The following ZNF536 variants were observed in gnomAD, a reference collection of about 807,000 sequenced individuals.
The protein encoded by ZNF536 is zinc finger protein 536.
Under a neutral mutation model 84.5 loss-of-function variants are expected in ZNF536, and 13 were observed. The ratio of observed to expected loss-of-function variants is 0.15; its 90% confidence interval spans 0.10 to 0.24. ZNF536 has a LOEUF of 0.24. ZNF536 is among the 10% of genes least tolerant of loss of function. The pLI is 1.00. For missense variants in ZNF536, 1,536 were observed against 1,747.5 expected, an observed-to-expected ratio of 0.88 and a Z score of 2.16; for synonymous variants, 811 against 742.5, an observed-to-expected ratio of 1.09 and a Z score of -1.50.
intron 1 of ZNF536, among the ~76,000 whole-genome samples, chr19:30,384,341 C>CTCCCT (rs1568378780): frequency 2.2e-5 from 2 of 92,890 alleles, no homozygotes; most frequent in African/African-American, 8.3e-5. Flanking sequence ...CTCCCCTCCC[C>CTCCCT]TCCCCTTCCC....
At chr19:30,454,349 A>G (rs2096478097) in intron 2 of ZNF536, among the ~76,000 whole-genome samples, 1 of 152,164 alleles carries the variant, frequency 6.6e-6, no homozygotes, top group African/African-American at 2.4e-5. Context: ...AACTCTTAGC[A>G]CAGTGGTGGT....
chr19:30,647,396 T>A (rs2049515638), intron 1 of ZNF536, among the ~76,000 whole-genome samples: 1 of 152,200 alleles, frequency 6.6e-6, no homozygotes, highest in African/African-American at 2.4e-5. Context: ...ACCGTTCCCC[T>A]GTTTCCTTGC....
downstream of ZNF536, among the ~76,000 whole-genome samples, chr19:30,562,414 A>C (rs554282636): frequency 5.9e-5 from 9 of 152,392 alleles, no homozygotes; most frequent in East Asian, 1.7e-3. Flanking sequence ...AATTAGAAGA[A>C]GACCATTGAG....
chr19:30,627,310 A>C (rs960962428), intron 1 of ZNF536, among the ~76,000 whole-genome samples: 2 of 151,764 alleles, frequency 1.3e-5, no homozygotes, highest in Non-Finnish European at 2.9e-5. Flanking sequence ...TACAAAAAAA[A>C]ATAAGAAAAT....
chr19:30,548,177 G>A lies in ZNF536; in HGVS notation c.2558G>A (p.Gly853Asp), dbSNP rs749305160. The change falls in exon 4 of 5, where the codon GGC becomes GAC. Residue 853 changes from glycine to aspartate, a missense_variant. Physicochemically the swap from Gly to Asp is moderately conservative, Grantham distance 94. This residue lies in a region of ZNF536 where 624 missense variants were observed against 603.1 expected (regional missense o/e 1.03). Coordinates refer to ENST00000355537, the MANE Select transcript of ZNF536 (RefSeq NM_014717.3). ...CTCCCTGGAATCGACTTCAGAGGAG[G>A]CCCTGCATCTCAGCAGTGGACATCA... ...KGLPGIDFRG[G>D]PASQQWTSGV... The A allele has an allele frequency of 1.9e-6, 3 of 1,614,052 alleles. No homozygotes were observed. Among genetic ancestry groups the A allele is most frequent in the African/African-American group, 1.3e-5 (1 of 74,934 alleles).
At chr19:30,687,855 T>C (rs935985133) in intron 1 of ZNF536, among the ~76,000 whole-genome samples, 3 of 152,210 alleles carry the variant, frequency 2.0e-5, no homozygotes, top group Non-Finnish European at 4.4e-5. Context: ...AAAAAACTTT[T>C]ATTTGCATGA....
At chr19:30,667,294 C>T (rs1171262787) in intron 1 of ZNF536, among the ~76,000 whole-genome samples, 1 of 152,224 alleles carries the variant, frequency 6.6e-6, no homozygotes, top group Non-Finnish European at 1.5e-5. Flanking sequence ...GAGCAATCGC[C>T]TGTCCCAGTA....
intron 2 of ZNF536, among the ~76,000 whole-genome samples, chr19:30,485,120 G>A (rs2054250847): frequency 6.6e-6 from 1 of 151,372 alleles, no homozygotes. Context: ...CTCCAGCCTG[G>A]GCGACAGTGT....
intron 1 of ZNF536, among the ~76,000 whole-genome samples, chr19:30,380,487 G>C (rs867891076): frequency 6.6e-6 from 1 of 152,302 alleles, no homozygotes; most frequent in African/African-American, 2.4e-5. Context: ...GTGAATCTGA[G>C]TTATCAGTGG....
chr19:30,371,558 G>GT (rs11343587), upstream of ZNF536, among the ~76,000 whole-genome samples: 64 of 135,762 alleles, frequency 4.7e-4, no homozygotes, highest in Non-Finnish European at 5.8e-4. Flanking sequence ...GTCTTTTCTT[G>GT]TTTTTTTTTT....
chr19:30,363,379 C>T (rs1017844133), intron 3 of ZNF536, among the ~76,000 whole-genome samples: 2 of 152,092 alleles, frequency 1.3e-5, no homozygotes, highest in African/African-American at 2.4e-5. Flanking sequence ...TGTGGATTCG[C>T]GGGGACCTGA....
intron 4 of ZNF536, 135 bp from the exon 5 acceptor site, chr19:30,557,022 C>T (rs1379568221): frequency 9.6e-7 from 1 of 1,043,536 alleles, no homozygotes; most frequent in African/African-American, 1.6e-5. Context: ...GACAGAAGGA[C>T]CAAATTTTAT....
exon 2 of ZNF536, chr19:30,713,390 T>A (rs978570524): frequency 6.6e-6 from 1 of 152,220 alleles, no homozygotes; most frequent in African/African-American, 2.4e-5. Flanking sequence ...AAATCTGAGA[T>A]CAATAGGAGT....
intron 3 of ZNF536, 23 bp from the exon 4 acceptor site, chr19:30,547,920 T>C (rs771160492): frequency 1.7e-5 from 26 of 1,513,146 alleles, no homozygotes; most frequent in Middle Eastern, 1.8e-4. Flanking sequence ...GCCTCTTTTT[T>C]TTCTTATATC....
chr19:30,687,655 G>A (rs1473695953), intron 1 of ZNF536, among the ~76,000 whole-genome samples: 1 of 152,088 alleles, frequency 6.6e-6, no homozygotes, highest in Non-Finnish European at 1.5e-5. Context: ...ATATCTATAT[G>A]TCAGGGAAAC....
intron 1 of ZNF536, among the ~76,000 whole-genome samples, chr19:30,616,147 T>G (rs1308112366): frequency 5.9e-5 from 9 of 152,392 alleles, no homozygotes. Context: ...CTGCTCTTTT[T>G]TTAAACAATT....
intron 1 of ZNF536, among the ~76,000 whole-genome samples, chr19:30,658,532 C>T (rs980334761): frequency 6.6e-6 from 1 of 151,418 alleles, no homozygotes; most frequent in African/African-American, 2.5e-5. Context: ...ATGACAACCT[C>T]TCTCTGTCAC....
At chr19:30,545,851 G>A (rs7258855) in intron 3 of ZNF536, among the ~76,000 whole-genome samples, 5,022 of 152,226 alleles carry the variant, frequency 0.033, 136 homozygotes, top group South Asian at 0.12. Context: ...ATGAATGCCC[G>A]TGCTTTCTCT....
intron 2 of ZNF536, among the ~76,000 whole-genome samples, chr19:30,294,549 ATGTGTGTGTGTGTGTG>A (rs55972417): frequency 3.4e-5 from 5 of 145,504 alleles, no homozygotes; most frequent in South Asian, 2.3e-4. Flanking sequence ...AGGCCCCAAT[ATGTGTGTGTGTGTGTG>A]TGTGTGTGTG....
Sources: gnomAD v4.1 joint callset for allele counts (sites outside exome capture counted in the v4.1 genomes callset) on GRCh38, gnomAD v4.1.1 for gene constraint, gnomAD v4.1.1 regional missense constraint, MANE v1.5 for transcripts, NCBI Gene and HGNC (gene_info 2026-07-23, HGNC 2026-07-21) for gene names.